The following DLG2 variants were observed in gnomAD, a reference collection of about 807,000 sequenced individuals.
DLG2 encodes the protein disks large homolog 2.
DLG2 carries 45 observed loss-of-function variants against 132.5 expected under a neutral mutation model. That is an observed-to-expected ratio of 0.34 (90% CI 0.27 to 0.44). The LOEUF (loss-of-function observed/expected upper bound fraction) is 0.44. DLG2 is among the 20% of genes least tolerant of loss of function. The probability of loss-of-function intolerance (pLI) is 1.00; values close to 1 mark genes in which losing one functional copy is unlikely to be tolerated. For missense variants in DLG2, 1,045 were observed against 1,196.9 expected, an observed-to-expected ratio of 0.87 and a Z score of 1.87; for synonymous variants, 424 against 419.6, an observed-to-expected ratio of 1.01 and a Z score of -0.13.
At chr11:85,211,907 T>C (rs2082277918) in intron 4 of DLG2, among the ~76,000 whole-genome samples, 1 of 152,134 alleles carries the variant, frequency 6.6e-6, no homozygotes, top group Non-Finnish European at 1.5e-5. Context: ...TATATCTCCA[T>C]TGCCTGGCAA....
intron 6 of DLG2, among the ~76,000 whole-genome samples, chr11:84,964,910 G>A (rs1262917123): frequency 6.6e-6 from 1 of 151,970 alleles, no homozygotes; most frequent in East Asian, 1.9e-4. Context: ...AGAATACACA[G>A]AAACACATAT....
At chr11:83,848,116 C>T (rs1352653450) in intron 16 of DLG2, among the ~76,000 whole-genome samples, 4 of 138,362 alleles carry the variant, frequency 2.9e-5, no homozygotes, top group Non-Finnish European at 6.3e-5. Context: ...TAAACTAGTC[C>T]CCCACACCTT....
At chr11:84,423,738 A>C (rs1354880270) in intron 7 of DLG2, among the ~76,000 whole-genome samples, 1 of 152,104 alleles carries the variant, frequency 6.6e-6, no homozygotes, top group Non-Finnish European at 1.5e-5. Context: ...TTCTTTAAAA[A>C]AATAGTTCAG....
intron 7 of DLG2, among the ~76,000 whole-genome samples, chr11:84,318,649 G>A (rs965106043): frequency 6.6e-6 from 1 of 152,198 alleles, no homozygotes; most frequent in Non-Finnish European, 1.5e-5. Flanking sequence ...AAAGTAAGGA[G>A]TAGGATCTTC....
intron 6 of DLG2, among the ~76,000 whole-genome samples, chr11:84,736,784 T>A (rs1041297649): frequency 1.2e-4 from 18 of 152,034 alleles, no homozygotes; most frequent in Non-Finnish European, 1.9e-4. Context: ...GGTAGCTTTT[T>A]AAATAGATTC....
chr11:84,949,456 A>G lies in DLG2; in HGVS notation c.357+162205T>C, dbSNP rs192750317. Among the ~76,000 whole-genome samples, 206 of 150,068 alleles carry G rather than the reference A, an allele frequency of 1.4e-3. 1 individual carries two copies. Among genetic ancestry groups the G allele is most frequent in the African/African-American group, 4.9e-3 (200 of 40,778 alleles). Reference sequence around the variant, plus strand: ...ATTTCCTCTTCCTAATAAGCCTGGGAGCGCTATGGGAGACTGGAGTTTATT... The same window carrying G: ...ATTTCCTCTTCCTAATAAGCCTGGGGGCGCTATGGGAGACTGGAGTTTATT... On this transcript the variant is annotated intron_variant, in intron 6 of 27. Coordinates refer to ENST00000376104, the MANE Select transcript of DLG2 (RefSeq NM_001142699.3).
chr11:84,273,394 T>TA (rs752558196), intron 7 of DLG2: 571 of 1,253,536 alleles, frequency 4.6e-4, no homozygotes, highest in Non-Finnish European at 4.8e-4. Context: ...TCTTAAGACT[T>TA]AAAAAAAAAG....
chr11:85,015,349 T>A (rs1019672542), intron 6 of DLG2, among the ~76,000 whole-genome samples: 47 of 151,972 alleles, frequency 3.1e-4, no homozygotes, highest in African/African-American at 1.1e-3. Context: ...TTTTATTCTT[T>A]AATTATAAGA....
At chr11:84,470,697 G>T (rs1164842583) in intron 7 of DLG2, among the ~76,000 whole-genome samples, 1 of 151,726 alleles carries the variant, frequency 6.6e-6, no homozygotes, top group African/African-American at 2.4e-5. Flanking sequence ...ACAAATAAAT[G>T]CTTGCAGACT....
At chr11:85,547,097 G>A (rs987695703) in intron 3 of DLG2, among the ~76,000 whole-genome samples, 8 of 152,184 alleles carry the variant, frequency 5.3e-5, no homozygotes, top group South Asian at 2.1e-4. Flanking sequence ...TATTCATAGC[G>A]TCGATGGTCT....
intron 16 of DLG2, among the ~76,000 whole-genome samples, chr11:83,867,050 A>C (rs1308958864): frequency 6.6e-6 from 1 of 152,196 alleles, no homozygotes; most frequent in Non-Finnish European, 1.5e-5. Context: ...TTTTATTTGA[A>C]AGTAGATTTT....
intron 3 of DLG2, among the ~76,000 whole-genome samples, chr11:85,569,366 G>A (rs1366203979): frequency 6.6e-6 from 1 of 152,084 alleles, no homozygotes; most frequent in African/African-American, 2.4e-5. Flanking sequence ...ATAGCTAAAT[G>A]TTTCCCTCTG....
chr11:83,978,897 A>C (rs1255777812), intron 12 of DLG2, among the ~76,000 whole-genome samples: 1 of 152,142 alleles, frequency 6.6e-6, no homozygotes, highest in Admixed American at 6.6e-5. Context: ...GCTTGGTAGT[A>C]ATGAGTGGTG....
chr11:83,467,810 T>TATATATAC (rs1414160515), intron 25 of DLG2, among the ~76,000 whole-genome samples: 26 of 96,288 alleles, frequency 2.7e-4, no homozygotes, highest in East Asian at 2.5e-3. Context: ...TATATATATA[T>TATATATAC]ACACACACAC....
intron 16 of DLG2, among the ~76,000 whole-genome samples, chr11:83,842,245 G>C (rs934664250): frequency 6.6e-6 from 1 of 152,094 alleles, no homozygotes; most frequent in African/African-American, 2.4e-5. Flanking sequence ...GGAGAAAGGA[G>C]GTGCTGTAGG....
At chr11:85,406,717 C>A (rs919554123) in intron 3 of DLG2, among the ~76,000 whole-genome samples, 2 of 151,930 alleles carry the variant, frequency 1.3e-5, no homozygotes, top group African/African-American at 4.8e-5. Flanking sequence ...ATTGAGGCCA[C>A]TGTTTTGGGT....
intron 6 of DLG2, among the ~76,000 whole-genome samples, chr11:84,817,358 T>C (rs573734092): frequency 2.0e-5 from 3 of 152,094 alleles, no homozygotes; most frequent in African/African-American, 7.2e-5. Context: ...ACCAAGGACC[T>C]ACCTAGGTCC....
At position 84,860,399 on chromosome 11, in the gene DLG2, A is replaced by G. The variant is rs2083447085; in HGVS notation, c.357+251262T>C. On this transcript the variant is annotated intron_variant, in intron 6 of 27. Coordinates refer to ENST00000376104, the MANE Select transcript of DLG2 (RefSeq NM_001142699.3). ...CTTTCTGACTGACTTATCTTTAGAA[A>G]GTAATTTTCTGACAATGAAGCTAGG... Among the ~76,000 whole-genome samples, 2 of 152,142 alleles carry G rather than the reference A, an allele frequency of 1.3e-5. 1 individual carries two copies. Among genetic ancestry groups the G allele is most frequent in the South Asian group, 4.1e-4 (2 of 4,832 alleles).
intron 6 of DLG2, among the ~76,000 whole-genome samples, chr11:84,711,688 A>G (rs1404898216): frequency 6.6e-6 from 1 of 151,922 alleles, no homozygotes; most frequent in African/African-American, 2.4e-5. Flanking sequence ...GCTCCCTCTT[A>G]CTCAGGCTTT....
Sources: gnomAD v4.1 joint callset for allele counts (sites outside exome capture counted in the v4.1 genomes callset) on GRCh38, gnomAD v4.1.1 for gene constraint, MANE v1.5 for transcripts, NCBI Gene and HGNC (gene_info 2026-07-23, HGNC 2026-07-21) for gene names.